Variants in ROBO2 observed in about 807,000 individuals in gnomAD.
ROBO2 encodes roundabout homolog 2.
In ROBO2, 53 loss-of-function variants were observed where a neutral mutation model predicts 160.8. The ratio of observed to expected loss-of-function variants is 0.33; its 90% CI spans 0.26 to 0.41. ROBO2 has a LOEUF of 0.41. ROBO2 is among the 10% of genes least tolerant of loss of function. The pLI is 1.00. For missense variants in ROBO2, 1,577 were observed against 1,722.4 expected, an observed-to-expected ratio of 0.92 and a Z score of 1.49; for synonymous variants, 664 against 611.7, an observed-to-expected ratio of 1.09 and a Z score of -1.26.
chr3:76,989,890 G>A (rs2060575431), intron 2 of ROBO2, among the ~76,000 whole-genome samples: 1 of 152,092 alleles, frequency 6.6e-6, no homozygotes, highest in East Asian at 1.9e-4. Context: ...ATGAACAGGG[G>A]CATAGTTGTG....
At chr3:77,640,405 C>A (rs1306229758) in intron 24 of ROBO2, among the ~76,000 whole-genome samples, 1 of 152,130 alleles carries the variant, frequency 6.6e-6, no homozygotes, top group Non-Finnish European at 1.5e-5. Context: ...TGAGCCACTG[C>A]GCCCGGCCGC....
intron 2 of ROBO2, among the ~76,000 whole-genome samples, chr3:76,183,653 T>C (rs774074025): frequency 6.6e-6 from 1 of 151,952 alleles, no homozygotes; most frequent in African/African-American, 2.4e-5. Context: ...AAAATTTAAT[T>C]TCTAGTAGGG....
At chr3:76,010,610 T>A (rs899441226) in intron 2 of ROBO2, among the ~76,000 whole-genome samples, 4 of 152,250 alleles carry the variant, frequency 2.6e-5, no homozygotes, top group African/African-American at 9.6e-5. Context: ...CCTGCCTGAT[T>A]TACTGTTTGC....
chr3:76,278,885 C>T (rs903374992), intron 2 of ROBO2, among the ~76,000 whole-genome samples: 24 of 151,860 alleles, frequency 1.6e-4, no homozygotes, highest in Admixed American at 4.6e-4. Context: ...ACCCTTATAA[C>T]CTCTTCCTCA....
chr3:77,404,759 T>C (rs921411319), intron 2 of ROBO2, among the ~76,000 whole-genome samples: 4 of 152,208 alleles, frequency 2.6e-5, no homozygotes, highest in African/African-American at 9.6e-5. Context: ...TAATTACGTT[T>C]GTTATAAGCT....
At chr3:77,197,916 C>T (rs544383184) in intron 2 of ROBO2, among the ~76,000 whole-genome samples, 1 of 152,214 alleles carries the variant, frequency 6.6e-6, no homozygotes, top group East Asian at 1.9e-4. Context: ...TACAACATTG[C>T]TCTCTTTGAA....
intron 2 of ROBO2, among the ~76,000 whole-genome samples, chr3:77,196,942 A>G (rs192177533): frequency 1.6e-4 from 25 of 152,166 alleles, no homozygotes; most frequent in Non-Finnish European, 3.4e-4. Context: ...GCTTAATTAA[A>G]AAAAAGGAGA....
intron 2 of ROBO2, among the ~76,000 whole-genome samples, chr3:76,253,969 G>T (rs1271365854): frequency 6.6e-6 from 1 of 151,734 alleles, no homozygotes; most frequent in Non-Finnish European, 1.5e-5. Flanking sequence ...AAGCAAAGTA[G>T]CATACTCTCA....
intron 12 of ROBO2, 143 bp downstream of exon 13, chr3:77,565,263 T>C: frequency 4.0e-6 from 4 of 993,382 alleles, no homozygotes; most frequent in Non-Finnish European, 6.3e-6. Flanking sequence ...AAGGAGAAGG[T>C]AGCTTGCTGT....
At chr3:76,061,673 A>T (rs900555486) in intron 2 of ROBO2, among the ~76,000 whole-genome samples, 1 of 152,158 alleles carries the variant, frequency 6.6e-6, no homozygotes, top group East Asian at 1.9e-4. Flanking sequence ...ACACTTATTA[A>T]TTGTATTAGT....
At chr3:76,377,955 G>A (rs2076431183) in intron 2 of ROBO2, among the ~76,000 whole-genome samples, 1 of 152,108 alleles carries the variant, frequency 6.6e-6, no homozygotes, top group Non-Finnish European at 1.5e-5. Flanking sequence ...ATTGCTAGGA[G>A]CACGTGTGTG....
In ROBO2 at chr3:77,433,486, G is replaced by GTACA. The variant is rs1325507347; in HGVS notation, c.389-43926_389-43925insCATA. On this transcript the variant is annotated intron_variant, in intron 2 of 25. Coordinates refer to ENST00000461745, the Ensembl canonical transcript of ROBO2. ...GATTTTCCTTCTTCTCTGGCAACTT[G>GTACA]TATATATATATATATATATATATAT... 6.0e-4 allele frequency among the ~76,000 whole-genome samples: 60 copies of GTACA among 99,410 alleles called. 6 individuals carry two copies. The highest frequency in any genetic ancestry group is 3.0e-3 in the East Asian group (9 of 3,024). The allele number at this position is 99,410 out of a possible 152,430, so 65.2% of individuals were successfully genotyped here.
intron 2 of ROBO2, among the ~76,000 whole-genome samples, chr3:77,275,816 A>C (rs999154188): frequency 1.3e-5 from 2 of 152,104 alleles, no homozygotes; most frequent in African/African-American, 4.8e-5. Flanking sequence ...ATATCCTAAA[A>C]ATTATTTTCT....
chr3:76,218,738 C>T (rs1449275796), intron 2 of ROBO2, among the ~76,000 whole-genome samples: 1 of 152,072 alleles, frequency 6.6e-6, no homozygotes, highest in Non-Finnish European at 1.5e-5. Flanking sequence ...GCCATACTGC[C>T]CAAGGTAATT....
At chr3:76,813,743 T>C (rs911578661) in intron 2 of ROBO2, among the ~76,000 whole-genome samples, 4 of 152,254 alleles carry the variant, frequency 2.6e-5, no homozygotes, top group Non-Finnish European at 4.4e-5. Flanking sequence ...ATGCATTTTT[T>C]TCAGTCTCCC....
intron 2 of ROBO2, among the ~76,000 whole-genome samples, chr3:76,794,833 C>A (rs937769511): frequency 1.2e-4 from 18 of 152,002 alleles, no homozygotes; most frequent in African/African-American, 4.3e-4. Flanking sequence ...TAAACCTCAT[C>A]ATTTTTTCTA....
chr3:76,515,863 A>T (rs777920349), intron 2 of ROBO2, among the ~76,000 whole-genome samples: 7 of 152,204 alleles, frequency 4.6e-5, no homozygotes, highest in Non-Finnish European at 1.0e-4. Context: ...TCAAAGGAAC[A>T]TGTATGGTCT....
chr3:76,524,826 TAAAAAAAAAAAAAAAAA>T (rs58091252), intron 2 of ROBO2, among the ~76,000 whole-genome samples: 103 of 21,744 alleles, frequency 4.7e-3, no homozygotes, highest in Non-Finnish European at 6.7e-3. Flanking sequence ...CTCTTATTCC[TAAAAAAAAAAAAAAAAA>T]AAAAAAAAAA....
intron 2 of ROBO2, among the ~76,000 whole-genome samples, chr3:76,242,104 C>G (rs571073344): frequency 6.6e-6 from 1 of 152,056 alleles, no homozygotes; most frequent in East Asian, 1.9e-4. Flanking sequence ...ATTCCTTTTT[C>G]CCCCTTTATT....
Sources: gnomAD v4.1 joint callset for allele counts (sites outside exome capture counted in the v4.1 genomes callset) on GRCh38, gnomAD v4.1.1 for gene constraint, MANE v1.5 for transcripts, NCBI Gene and HGNC (gene_info 2026-07-23, HGNC 2026-07-21) for gene names.